The following HECW2 variants were observed in gnomAD, a reference collection of about 807,000 sequenced individuals.
The protein encoded by HECW2 is E3 ubiquitin-protein ligase HECW2.
A neutral mutation model predicts 175.2 loss-of-function variants in HECW2; 61 were observed. That is an observed-to-expected ratio of 0.35 (90% CI 0.28 to 0.43). HECW2 has a LOEUF of 0.43. Ranked by LOEUF, HECW2 falls within the 20% of genes least tolerant of loss-of-function variation. The pLI is 1.00. For synonymous variants in HECW2, 671 were observed against 731.0 expected, an observed-to-expected ratio of 0.92 and a Z score of 1.32; for missense variants, 1,524 against 2,000.5, an observed-to-expected ratio of 0.76 and a Z score of 4.54.
At chr2:196,381,102 C>A (rs1360872967) in intron 2 of HECW2, among the ~76,000 whole-genome samples, 3 of 152,266 alleles carry the variant, frequency 2.0e-5, no homozygotes, top group African/African-American at 4.8e-5. Flanking sequence ...CGTAGGAAAA[C>A]CCTACCCGGC....
intron 3 of HECW2, among the ~76,000 whole-genome samples, chr2:196,342,329 G>A (rs1469874547): frequency 2.0e-5 from 3 of 151,414 alleles, no homozygotes; most frequent in Non-Finnish European, 2.9e-5. Flanking sequence ...GCTTGAACCC[G>A]GGAGGCGGAG....
At chr2:196,538,429 C>T (rs558413506) in intron 1 of HECW2, among the ~76,000 whole-genome samples, 2 of 152,274 alleles carry the variant, frequency 1.3e-5, no homozygotes, top group East Asian at 1.9e-4. Flanking sequence ...CATAGCAGCC[C>T]TACATTCATT....
intron 2 of HECW2, among the ~76,000 whole-genome samples, chr2:196,365,213 A>G (rs1693712171): frequency 6.6e-6 from 1 of 152,244 alleles, no homozygotes; most frequent in African/African-American, 2.4e-5. Context: ...TTGCAAGTAA[A>G]GCAGGGAAGA....
intron 1 of HECW2, among the ~76,000 whole-genome samples, chr2:196,589,536 A>G: frequency 6.6e-6 from 1 of 152,208 alleles, no homozygotes; most frequent in East Asian, 1.9e-4. Flanking sequence ...CTGTATGAAA[A>G]GCTGAGACCC....
Position 196,220,201 on chromosome 2 carries a change from T to A in HECW2, c.4294-48A>T, listed in dbSNP as rs1687616066. ...GGCATGGCTTAGGAGCCTGGAGAAA[T>A]ATCAGCTATAATTAAGCCTTAGAAA... On this transcript the variant is annotated intron_variant, in intron 25 of 28. Transcript: ENST00000644978. 3.3e-6 allele frequency: 4 copies of A among 1,196,760 alleles called. No individual in the cohort carries two copies. The East Asian group carries it at 9.3e-5, about 28-fold the overall frequency. The allele number at this position is 1,196,760 out of a possible 1,614,324, so 74.1% of individuals were successfully genotyped here. A position where few individuals can be genotyped will look rare whatever the true frequency, so the allele number is the denominator to read the frequency against.
intron 1 of HECW2, among the ~76,000 whole-genome samples, chr2:196,563,453 T>C (rs1042678676): frequency 6.6e-6 from 1 of 150,938 alleles, no homozygotes; most frequent in Non-Finnish European, 1.5e-5. Context: ...GTAATCCCAG[T>C]TACCCAGGAG....
intron 2 of HECW2, among the ~76,000 whole-genome samples, chr2:196,385,179 T>C (rs1410018482): frequency 6.6e-6 from 1 of 152,156 alleles, no homozygotes; most frequent in Non-Finnish European, 1.5e-5. Flanking sequence ...CCCAAAGTGC[T>C]GGGATTACAA....
intron 1 of HECW2, among the ~76,000 whole-genome samples, chr2:196,530,087 A>G (rs532156183): frequency 2.6e-5 from 4 of 152,334 alleles, no homozygotes; most frequent in Non-Finnish European, 5.9e-5. Context: ...AAGATCTGGC[A>G]ATAATTCTTA....
chr2:196,542,694 A>G lies in HECW2; in HGVS notation c.-36+50814T>C, dbSNP rs1192849181. ...AGTCCATGTATACAAGCAGGTGGGT[A>G]TGAAAATAATATAGGATACAAATGT... On this transcript the variant is annotated intron_variant, in intron 1 of 28. Transcript: ENST00000644978. Among the ~76,000 whole-genome samples the G allele has an allele frequency of 4.6e-5, 7 of 151,850 alleles. No homozygotes were observed. The South Asian group carries it at 1.5e-3, about 32-fold the overall frequency.
intron 1 of HECW2, among the ~76,000 whole-genome samples, chr2:196,482,244 G>C (rs898394491): frequency 2.6e-5 from 4 of 152,220 alleles, no homozygotes; most frequent in Non-Finnish European, 5.9e-5. Flanking sequence ...AAGGGCATAA[G>C]TGTGCAACCC....
At chr2:196,537,789 A>G (rs1689070084) in intron 1 of HECW2, among the ~76,000 whole-genome samples, 1 of 152,144 alleles carries the variant, frequency 6.6e-6, no homozygotes, top group Non-Finnish European at 1.5e-5. Flanking sequence ...GGCATTCCCA[A>G]TTTTTCTTTG....
chr2:196,362,374 CACACACAG>C (rs1481283001), intron 2 of HECW2, among the ~76,000 whole-genome samples: 45 of 121,484 alleles, frequency 3.7e-4, no homozygotes, highest in African/African-American at 1.3e-3. Flanking sequence ...CACACACACA[CACACACAG>C]AGTGGGCTGA....
At chr2:196,391,781 G>T (rs13432146) in intron 2 of HECW2, among the ~76,000 whole-genome samples, 14 of 152,024 alleles carry the variant, frequency 9.2e-5, no homozygotes, top group Admixed American at 2.6e-4. Context: ...AAATCAAGGT[G>T]TTAGCAAGCC....
At chr2:196,232,870 C>T (rs1321243736) in intron 21 of HECW2, among the ~76,000 whole-genome samples, 2 of 152,196 alleles carry the variant, frequency 1.3e-5, no homozygotes, top group Non-Finnish European at 2.9e-5. Flanking sequence ...GAAAATGTGT[C>T]TTCAACTGGT....
At chr2:196,363,362 C>T (rs529169511) in intron 2 of HECW2, among the ~76,000 whole-genome samples, 3 of 152,028 alleles carry the variant, frequency 2.0e-5, no homozygotes, top group East Asian at 1.9e-4. Context: ...TAAGGCTCAC[C>T]GAGAAGAAGT....
At chr2:196,455,654 GA>G (rs35501514) in intron 1 of HECW2, among the ~76,000 whole-genome samples, 1 of 151,818 alleles carries the variant, frequency 6.6e-6, no homozygotes. Flanking sequence ...TCTCTTTTGG[GA>G]AAAAAGTACT....
At chr2:196,581,048 A>T (rs1358591327) in intron 1 of HECW2, among the ~76,000 whole-genome samples, 1 of 152,230 alleles carries the variant, frequency 6.6e-6, no homozygotes, top group African/African-American at 2.4e-5. Context: ...GTCACAAAAG[A>T]CTTCATATTA....
At chr2:196,434,402 G>A (rs966019066) in intron 1 of HECW2, among the ~76,000 whole-genome samples, 4 of 152,166 alleles carry the variant, frequency 2.6e-5, no homozygotes, top group Admixed American at 1.3e-4. Flanking sequence ...TTTGGCTCCC[G>A]ATAAGCTATT....
intron 1 of HECW2, among the ~76,000 whole-genome samples, chr2:196,444,652 C>T (rs192573971): frequency 4.3e-4 from 66 of 152,154 alleles, no homozygotes; most frequent in Admixed American, 1.4e-3. Flanking sequence ...AAGTAAATGA[C>T]GTAATTAAAA....
Sources: gnomAD v4.1 joint callset for allele counts (sites outside exome capture counted in the v4.1 genomes callset) on GRCh38, gnomAD v4.1.1 for gene constraint, MANE v1.5 for transcripts, NCBI Gene and HGNC (gene_info 2026-07-23, HGNC 2026-07-21) for gene names.